CLVS1: variants seen among roughly 807,000 people sequenced by gnomAD.
CLVS1 encodes clavesin-1.
Under a neutral mutation model 33.1 loss-of-function variants are expected in CLVS1, and 10 were observed. That is an observed-to-expected ratio of 0.30 (90% CI 0.19 to 0.51). The LOEUF (loss-of-function observed/expected upper bound fraction) is 0.51, where lower values mean the gene tolerates loss of function less well. CLVS1 is among the 20% of genes least tolerant of loss of function. The probability of loss-of-function intolerance (pLI) is 0.97; values close to 1 mark genes in which losing one functional copy is unlikely to be tolerated. For missense variants in CLVS1, 343 were observed against 433.4 expected (o/e 0.79, Z 1.85); for synonymous variants, 163 against 166.1 (o/e 0.98, Z 0.14).
Position 61,232,023 on chromosome 8 carries a change from G to GTTTGTTTGTTTGTTTGTTTGTTTTTT in CLVS1, c.-151-67651_-151-67650insGTTTGTTTGTTTGTTTGTTTTTTTTT. On this transcript the variant is annotated intron_variant, in intron 2 of 2. Transcript: ENST00000522621. ...AGAAGGAGCCCTGAGGAAAGTTGTGGTTTTTTTTTTTTTTTTTTTTTTTTT... is the reference window on the plus strand; with the variant it reads ...AGAAGGAGCCCTGAGGAAAGTTGTGGTTTGTTTGTTTGTTTGTTTGTTTTTTTTTTTTTTTTTTTTTTTTTTTTTTT... Among the ~76,000 whole-genome samples the GTTTGTTTGTTTGTTTGTTTGTTTTTT allele has an allele frequency of 1.4e-4, 9 of 62,656 alleles. 1 individual carries two copies. Among genetic ancestry groups the GTTTGTTTGTTTGTTTGTTTGTTTTTT allele is most frequent in the African/African-American group, 4.3e-4 (9 of 21,120 alleles). 41.1% of individuals were successfully genotyped at this position (62,656 alleles called of 152,430 possible). A position where few individuals can be genotyped will look rare whatever the true frequency, so the allele number is the denominator to read the frequency against.
chr8:61,065,031 T>C (rs1009170400), intron 1 of CLVS1, among the ~76,000 whole-genome samples: 2 of 152,162 alleles, frequency 1.3e-5, no homozygotes, highest in Non-Finnish European at 2.9e-5. Context: ...AGGACTAATA[T>C]GTTCCTGCCA....
At chr8:61,491,891 G>A (rs1473311150) in intron 5 of CLVS1, among the ~76,000 whole-genome samples, 1 of 152,138 alleles carries the variant, frequency 6.6e-6, no homozygotes, top group Non-Finnish European at 1.5e-5. Context: ...CTAACCTAAA[G>A]TTTCTTTCCA....
intron 3 of CLVS1, among the ~76,000 whole-genome samples, chr8:61,444,829 G>T (rs1042098865): frequency 1.3e-5 from 2 of 152,200 alleles, no homozygotes; most frequent in Admixed American, 1.3e-4. Context: ...GACCCTTGTG[G>T]GTAGGTGTTG....
In CLVS1 at chr8:61,232,031, T is replaced by TGTTTGTTTG. The variant is rs1554548363; in HGVS notation, c.-151-67646_-151-67645insGTTTGTTTG. Among the ~76,000 whole-genome samples, 41 of 62,458 alleles carry TGTTTGTTTG rather than the reference T, an allele frequency of 6.6e-4. 1 individual carries two copies. The highest frequency in any genetic ancestry group is 1.3e-3 in the African/African-American group (31 of 23,592). The allele number at this position is 62,458 out of a possible 152,430, so 41.0% of individuals were successfully genotyped here. On this transcript the variant is annotated intron_variant, in intron 2 of 2. Coordinates refer to the CLVS1 transcript ENST00000522621. ...CCCTGAGGAAAGTTGTGGTTTTTTTTTTTTTTTTTTTTTTTTTTTGTGAGA... is the reference window on the plus strand; with the variant it reads ...CCCTGAGGAAAGTTGTGGTTTTTTTTGTTTGTTTGTTTTTTTTTTTTTTTTTTTGTGAGA...
At chr8:60,966,563 A>C in the CLVS1 span, 1 of 289,328 alleles carries the variant, frequency 3.5e-6, no homozygotes, top group Non-Finnish European at 7.0e-6. Flanking sequence ...TGTGGAAATA[A>C]ACATAGTAAA....
chr8:61,274,700 G>C (rs534514882), intron 2 of CLVS1, among the ~76,000 whole-genome samples: 8 of 152,232 alleles, frequency 5.3e-5, no homozygotes, highest in South Asian at 4.1e-4. Context: ...GCACACAATC[G>C]CTGGCTATTT....
intron 3 of CLVS1, among the ~76,000 whole-genome samples, chr8:61,389,586 G>A (rs922342369): frequency 2.0e-5 from 3 of 151,864 alleles, no homozygotes; most frequent in African/African-American, 7.3e-5. Flanking sequence ...GAAGAAACAC[G>A]AATAACATAA....
At chr8:61,165,549 A>G (rs975263456) in intron 2 of CLVS1, among the ~76,000 whole-genome samples, 4 of 152,198 alleles carry the variant, frequency 2.6e-5, no homozygotes, top group African/African-American at 9.7e-5. Flanking sequence ...CTAAGTTGCA[A>G]GCTCTGTGTT....
chr8:61,002,738 C>T, the CLVS1 span, among the ~76,000 whole-genome samples: 1 of 152,178 alleles, frequency 6.6e-6, no homozygotes, highest in Non-Finnish European at 1.5e-5. Context: ...TGAGTTGCCT[C>T]CTTGTGGGCC....
chr8:61,272,989 C>T (rs1285596878), intron 2 of CLVS1, among the ~76,000 whole-genome samples: 2 of 150,990 alleles, frequency 1.3e-5, no homozygotes, highest in Admixed American at 6.6e-5. Context: ...CTTCTTCTCT[C>T]AGCTCGTCAA....
the CLVS1 span, among the ~76,000 whole-genome samples, chr8:61,035,006 A>G: frequency 6.6e-6 from 1 of 152,198 alleles, no homozygotes; most frequent in Non-Finnish European, 1.5e-5. Context: ...GAGGGTGAAG[A>G]AAAACATTGA....
intron 2 of CLVS1, among the ~76,000 whole-genome samples, chr8:61,199,476 T>C (rs1585682640): frequency 6.6e-6 from 1 of 152,080 alleles, no homozygotes; most frequent in East Asian, 1.9e-4. Flanking sequence ...CAAAAGAAAA[T>C]ATACAAATGA....
chr8:61,291,902 G>A (rs1185306375), intron 1 of CLVS1: 1 of 170,212 alleles, frequency 5.9e-6, no homozygotes, highest in Non-Finnish European at 1.3e-5. Flanking sequence ...TAGCCTCAGA[G>A]GCAATTAACC....
chr8:61,308,593 C>G (rs1274161208), intron 2 of CLVS1, among the ~76,000 whole-genome samples: 1 of 152,102 alleles, frequency 6.6e-6, no homozygotes, highest in Non-Finnish European at 1.5e-5. Flanking sequence ...GCTTAGCATC[C>G]CCTCTTCCGG....
At chr8:61,494,591 C>T (rs982507655) in intron 5 of CLVS1, among the ~76,000 whole-genome samples, 2 of 152,106 alleles carry the variant, frequency 1.3e-5, no homozygotes, top group African/African-American at 4.8e-5. Flanking sequence ...AAGCAAGTGG[C>T]TTCTCGATAG....
chr8:61,044,710 T>A, the CLVS1 span, among the ~76,000 whole-genome samples: 19 of 152,150 alleles, frequency 1.2e-4, no homozygotes. Flanking sequence ...TGAAAGACAT[T>A]GGGGTGCAAA....
intron 2 of CLVS1, chr8:61,203,156 G>C (rs551667494): frequency 8.7e-7 from 1 of 1,145,302 alleles, no homozygotes; most frequent in Non-Finnish European, 1.3e-6. Context: ...CATCAATTAC[G>C]TGAAGAATTG....
intron 1 of CLVS1, among the ~76,000 whole-genome samples, chr8:61,077,616 C>A (rs1804945141): frequency 6.6e-6 from 1 of 152,126 alleles, no homozygotes; most frequent in Non-Finnish European, 1.5e-5. Flanking sequence ...GCTGGGATTA[C>A]AAGCGTGCAC....
intron 3 of CLVS1, among the ~76,000 whole-genome samples, chr8:61,433,700 G>A (rs1816200091): frequency 6.6e-6 from 1 of 152,014 alleles, no homozygotes; most frequent in South Asian, 2.1e-4. Flanking sequence ...AGGGCAAGTA[G>A]AAGTTGGAAA....
Sources: gnomAD v4.1 joint callset for allele counts (sites outside exome capture counted in the v4.1 genomes callset) on GRCh38, gnomAD v4.1.1 for gene constraint, MANE v1.5 for transcripts, NCBI Gene and HGNC (gene_info 2026-07-23, HGNC 2026-07-21) for gene names.